The following CDK8 variants were observed in gnomAD, a reference collection of about 807,000 sequenced individuals.
The protein encoded by CDK8 is cyclin dependent kinase 8, also known as cyclin-dependent kinase 8.
A neutral mutation model predicts 71.5 loss-of-function variants in CDK8; 29 were observed. That is an observed-to-expected ratio of 0.41 (90% confidence interval 0.30 to 0.55). CDK8 has a LOEUF of 0.55. Among genes scored for constraint, CDK8 ranks in the 20% least tolerant of loss-of-function variants. CDK8 has a pLI of 0.37. For missense variants in CDK8, 288 were observed against 572.6 expected, an observed-to-expected ratio of 0.50 and a Z score of 5.07; for synonymous variants, 161 against 192.1, an observed-to-expected ratio of 0.84 and a Z score of 1.34.
intron 1 of CDK8, among the ~76,000 whole-genome samples, chr13:26,323,856 C>G (rs1406590952): frequency 6.6e-6 from 1 of 152,046 alleles, no homozygotes; most frequent in East Asian, 1.9e-4. Context: ...TTTGCCTCTG[C>G]AAAGATGGTA....
intron 1 of CDK8, among the ~76,000 whole-genome samples, chr13:26,286,834 G>A (rs1037230561): frequency 6.6e-6 from 1 of 152,138 alleles, no homozygotes; most frequent in Admixed American, 6.5e-5. Flanking sequence ...TCAAAAAGTG[G>A]GCAAGGGACA....
chr13:26,318,157 A>G (rs1874600306), intron 1 of CDK8, among the ~76,000 whole-genome samples: 1 of 152,156 alleles, frequency 6.6e-6, no homozygotes. Flanking sequence ...AGTACTATGA[A>G]CATAGTTGTA....
intron 3 of CDK8, among the ~76,000 whole-genome samples, chr13:26,352,894 A>G (rs1166355230): frequency 6.6e-6 from 1 of 152,176 alleles, no homozygotes; most frequent in Non-Finnish European, 1.5e-5. Context: ...TATTATGTCT[A>G]CTAATTTCAA....
At chr13:26,329,823 T>A (rs1875224740) in intron 1 of CDK8, among the ~76,000 whole-genome samples, 1 of 152,132 alleles carries the variant, frequency 6.6e-6, no homozygotes, top group Non-Finnish European at 1.5e-5. Flanking sequence ...TAAAATCTCA[T>A]CTGTCCTCAG....
chr13:26,361,178 A>C (rs1399783234), intron 4 of CDK8, among the ~76,000 whole-genome samples: 3 of 152,178 alleles, frequency 2.0e-5, no homozygotes, highest in Admixed American at 6.5e-5. Context: ...TTATTCAAAA[A>C]CATCTTAAGG....
intron 4 of CDK8, among the ~76,000 whole-genome samples, chr13:26,374,032 A>AG (rs1314630459): frequency 1.5e-5 from 2 of 136,202 alleles, no homozygotes; most frequent in East Asian, 4.2e-4. Flanking sequence ...AAAAAAAAAA[A>AG]AAAAACAAAA....
intron 4 of CDK8, among the ~76,000 whole-genome samples, chr13:26,354,504 G>A (rs1873811071): frequency 6.6e-6 from 1 of 152,162 alleles, no homozygotes; most frequent in African/African-American, 2.4e-5. Context: ...CCAGGCCACA[G>A]ACCAGTCCAT....
At chr13:26,380,256 T>C (rs1046543811) in intron 4 of CDK8, among the ~76,000 whole-genome samples, 31 of 152,216 alleles carry the variant, frequency 2.0e-4, no homozygotes, top group African/African-American at 7.2e-4. Context: ...TTCAGGTCAC[T>C]GCAACCTCCG....
Position 26,349,119 on chromosome 13 carries a change from G to A in CDK8, c.252G>A (p.Val84=). 6.2e-7 allele frequency: 1 copy of A among 1,613,678 alleles called. No homozygotes were observed. Residue 84 remains valine (V), a synonymous_variant, in exon 3 of 13, where the codon GTG becomes GTA. Coordinates refer to ENST00000381527, the MANE Select transcript of CDK8 (RefSeq NM_001260.3). ...KHPNVISLQK[V]FLSHADRKVW... ...CAAACGTCATTTCTCTTCAAAAGGT[G>A]TTTCTGTCTCATGCTGATAGGAAGG... is the stretch of plus-strand genomic sequence containing the variant.
intron 8 of CDK8, among the ~76,000 whole-genome samples, chr13:26,396,729 T>A (rs990912802): frequency 6.6e-6 from 1 of 152,096 alleles, no homozygotes; most frequent in Non-Finnish European, 1.5e-5. Context: ...TTTAAGCAGG[T>A]TTTAACAGAG....
chr13:26,343,989 T>C (rs751803500), intron 2 of CDK8, among the ~76,000 whole-genome samples: 9 of 152,116 alleles, frequency 5.9e-5, no homozygotes, highest in Non-Finnish European at 1.3e-4. Context: ...GGGAATGATC[T>C]CATCACCCAG....
intron 1 of CDK8, among the ~76,000 whole-genome samples, chr13:26,289,825 C>T (rs1022698357): frequency 1.3e-5 from 2 of 152,200 alleles, no homozygotes; most frequent in Non-Finnish European, 2.9e-5. Context: ...GCTGGGATTA[C>T]AGGCGTGAGC....
chr13:26,371,529 C>T (rs182065734), intron 4 of CDK8, among the ~76,000 whole-genome samples: 2 of 152,220 alleles, frequency 1.3e-5, no homozygotes, highest in Non-Finnish European at 2.9e-5. Context: ...CATATTGTAG[C>T]AGAAGGATTA....
chr13:26,275,349 T>C (rs1872521820), intron 1 of CDK8, among the ~76,000 whole-genome samples: 1 of 152,212 alleles, frequency 6.6e-6, no homozygotes, highest in Admixed American at 6.5e-5. Flanking sequence ...AATGTATAGA[T>C]AGATGAATTA....
intron 1 of CDK8, among the ~76,000 whole-genome samples, chr13:26,321,382 G>T (rs1330459094): frequency 6.6e-6 from 1 of 152,150 alleles, no homozygotes. Context: ...GGAGCTAGGG[G>T]CATGGGGAAG....
At position 26,357,197 on chromosome 13, in the gene CDK8, G is replaced by A. The variant is rs17083907; in HGVS notation, c.456+3317G>A. Among the ~76,000 whole-genome samples, 616 of 152,266 alleles carry A rather than the reference G, an allele frequency of 4.0e-3. 5 individuals are homozygous for A. The highest frequency in any genetic ancestry group is 0.014 in the African/African-American group (565 of 41,554). On this transcript the variant is annotated intron_variant, in intron 4 of 12. Coordinates refer to ENST00000381527, the MANE Select transcript of CDK8 (RefSeq NM_001260.3). ...GGTTGCTATTAATTATCACATAGAAGCAGATCAGTAGCTGAAATCCGGCAT... is the reference window on the plus strand; with the variant it reads ...GGTTGCTATTAATTATCACATAGAAACAGATCAGTAGCTGAAATCCGGCAT...
At chr13:26,375,136 T>G (rs1874885116) in intron 4 of CDK8, among the ~76,000 whole-genome samples, 1 of 152,150 alleles carries the variant, frequency 6.6e-6, no homozygotes, top group South Asian at 2.1e-4. Flanking sequence ...ACAATATATT[T>G]AGTTTGATGC....
intron 1 of CDK8, among the ~76,000 whole-genome samples, chr13:26,311,607 C>T (rs1311447942): frequency 6.6e-6 from 1 of 152,184 alleles, no homozygotes; most frequent in Non-Finnish European, 1.5e-5. Flanking sequence ...ATCCAGAGAA[C>T]AAGTCTTTCT....
chr13:26,322,040 A>G (rs937220416), intron 1 of CDK8, among the ~76,000 whole-genome samples: 4 of 152,140 alleles, frequency 2.6e-5, no homozygotes, highest in Non-Finnish European at 5.9e-5. Flanking sequence ...TATCATCATC[A>G]TATAGAAATC....
Sources: gnomAD v4.1 joint callset for allele counts (sites outside exome capture counted in the v4.1 genomes callset) on GRCh38, gnomAD v4.1.1 for gene constraint, MANE v1.5 for transcripts, NCBI Gene and HGNC (gene_info 2026-07-23, HGNC 2026-07-21) for gene names.